Variants in TCF7L2 observed in about 807,000 individuals in gnomAD.
The protein encoded by TCF7L2 is transcription factor 7-like 2.
In TCF7L2, 23 loss-of-function variants were observed where a neutral mutation model predicts 77.9. The ratio of observed to expected loss-of-function variants is 0.30; its 90% CI spans 0.21 to 0.42. The LOEUF is 0.42. Among genes scored for constraint, TCF7L2 ranks in the 10% least tolerant of loss-of-function variants. The pLI, the probability that TCF7L2 is intolerant of heterozygous loss-of-function variation, is 1.00. For missense variants in TCF7L2, 654 were observed against 793.1 expected, an observed-to-expected ratio of 0.82 and a Z score of 2.11; for synonymous variants, 413 against 340.2, an observed-to-expected ratio of 1.21 and a Z score of -2.36.
intron 6 of TCF7L2, 66 bp downstream of exon 6, chr10:113,141,382 C>A (rs1047936792): frequency 6.2e-7 from 1 of 1,605,746 alleles, no homozygotes; most frequent in Non-Finnish European, 8.5e-7. Flanking sequence ...ACCTTTGAGG[C>A]CTCCACAGGA....
intron 5 of TCF7L2, among the ~76,000 whole-genome samples, chr10:113,124,094 A>G (rs1353113075): frequency 6.6e-6 from 1 of 152,178 alleles, no homozygotes; most frequent in Non-Finnish European, 1.5e-5. Context: ...ATCAGTGGCT[A>G]TGGCAGGAGG....
Position 113,166,171 on chromosome 10 carries a change from A to G in TCF7L2, c.*199A>G. 3 of 465,426 alleles carry G rather than the reference A, an allele frequency of 6.4e-6. No homozygotes were observed. The highest frequency in any genetic ancestry group is 2.0e-5 in the African/African-American group (1 of 49,738). The allele number at this position is 465,426 out of a possible 1,614,324, so 28.8% of individuals were successfully genotyped here. ...TCAATTTCTCCTTTTAAATATGTAGATGAGAGAAGAACCTCATGATTCTAC... is the reference window on the plus strand; with the variant it reads ...TCAATTTCTCCTTTTAAATATGTAGGTGAGAGAAGAACCTCATGATTCTAC... On this transcript the variant is annotated 3_prime_UTR_variant, in exon 14 of 14. Transcript: ENST00000627217.
At chr10:112,991,258 G>C (rs138664086) in intron 4 of TCF7L2, among the ~76,000 whole-genome samples, 2,125 of 151,902 alleles carry the variant, frequency 0.014, 26 homozygotes, top group Non-Finnish European at 0.021. Context: ...GGCCGGGCGC[G>C]GTGGCTCATG....
At position 113,115,763 on chromosome 10, in the gene TCF7L2, G is replaced by A. The variant is rs114137631; in HGVS notation, c.553-25421G>A. Among the ~76,000 whole-genome samples the A allele has an allele frequency of 3.1e-3, 471 of 152,160 alleles. 2 individuals are homozygous for A. The highest frequency in any genetic ancestry group is 0.011 in the African/African-American group (451 of 41,502). On this transcript the variant is annotated intron_variant, in intron 5 of 13. Transcript: ENST00000627217. ...GCGGCCTCCATTTCAAGGACAGCGC[G>A]CGGTTTTAAAAACCACAACTACCGA... is the stretch of plus-strand genomic sequence containing the variant.
At chr10:112,965,221 C>T (rs898797655) in intron 4 of TCF7L2, among the ~76,000 whole-genome samples, 1 of 152,184 alleles carries the variant, frequency 6.6e-6, no homozygotes. Flanking sequence ...GGAAAGGCGA[C>T]AGATCCCAGC....
chr10:112,967,381 C>G (rs2134735969), intron 4 of TCF7L2, among the ~76,000 whole-genome samples: 1 of 152,314 alleles, frequency 6.6e-6, no homozygotes, highest in South Asian at 2.1e-4. Context: ...GACTCATACT[C>G]TTTTCCCTTC....
chr10:113,088,837 C>A (rs147334395), intron 5 of TCF7L2, among the ~76,000 whole-genome samples: 2 of 151,542 alleles, frequency 1.3e-5, no homozygotes, highest in Admixed American at 6.6e-5. Flanking sequence ...AGTGTGGTGG[C>A]GTGCACCTGT....
At chr10:113,114,704 A>G (rs1166112151) in intron 5 of TCF7L2, among the ~76,000 whole-genome samples, 1 of 152,220 alleles carries the variant, frequency 6.6e-6, no homozygotes, top group Admixed American at 6.5e-5. Flanking sequence ...GCACGGGAGC[A>G]CTTAATTTCC....
At chr10:112,985,267 C>A (rs984529532) in intron 4 of TCF7L2, among the ~76,000 whole-genome samples, 1 of 152,136 alleles carries the variant, frequency 6.6e-6, no homozygotes, top group African/African-American at 2.4e-5. Context: ...TCCATCTCTT[C>A]TGGTTAAATT....
chr10:113,016,303 G>A (rs183186324), intron 4 of TCF7L2, among the ~76,000 whole-genome samples: 54 of 152,278 alleles, frequency 3.5e-4, no homozygotes, highest in African/African-American at 1.3e-3. Flanking sequence ...CTGACCTCAA[G>A]GGATCAGCCC....
At chr10:112,965,780 G>A (rs1414062374) in intron 4 of TCF7L2, among the ~76,000 whole-genome samples, 2 of 151,874 alleles carry the variant, frequency 1.3e-5, no homozygotes, top group African/African-American at 4.8e-5. Context: ...CCAGGTAAAC[G>A]GAATTATTCC....
chr10:113,096,901 C>T (rs772426122), intron 5 of TCF7L2, among the ~76,000 whole-genome samples: 1 of 152,102 alleles, frequency 6.6e-6, no homozygotes, highest in Non-Finnish European at 1.5e-5. Flanking sequence ...AAGAGGGGGA[C>T]GTGAGGAGGC....
chr10:112,993,873 G>A (rs2043024981), intron 4 of TCF7L2, among the ~76,000 whole-genome samples: 1 of 152,124 alleles, frequency 6.6e-6, no homozygotes, highest in South Asian at 2.1e-4. Flanking sequence ...TGGCCAACAT[G>A]GTAAAACTCC....
chr10:113,083,781 T>G (rs1564871590), intron 5 of TCF7L2, among the ~76,000 whole-genome samples: 2 of 152,240 alleles, frequency 1.3e-5, no homozygotes, highest in Non-Finnish European at 2.9e-5. Flanking sequence ...GCTTTTTTAG[T>G]GGAATGGCCC....
intron 5 of TCF7L2, among the ~76,000 whole-genome samples, chr10:113,075,647 A>G (rs1353564773): frequency 2.6e-5 from 4 of 152,182 alleles, no homozygotes; most frequent in African/African-American, 9.7e-5. Flanking sequence ...AAAAGCTAGT[A>G]GCTTCTCAAG....
chr10:113,158,615 CAAACA>C, intron 12 of TCF7L2, 47 bp from the exon 13 acceptor site: 1 of 1,601,772 alleles, frequency 6.2e-7, no homozygotes, highest in Non-Finnish European at 8.5e-7. Flanking sequence ...CTTTTACAAA[CAAACA>C]AAACAAAAAT....
chr10:113,123,263 C>G (rs1287753657), intron 5 of TCF7L2, among the ~76,000 whole-genome samples: 5 of 152,182 alleles, frequency 3.3e-5, no homozygotes, highest in Admixed American at 6.5e-5. Context: ...ATTAACAACT[C>G]CGGTTCAGAG....
Position 112,974,475 on chromosome 10 carries a change from G to A in TCF7L2, c.450+9851G>A, listed in dbSNP as rs557138292. 2.6e-5 allele frequency among the ~76,000 whole-genome samples: 4 copies of A among 151,846 alleles called. No individual in the cohort carries two copies. In the East Asian group the frequency reaches 7.7e-4, roughly 29 times the overall value. The stretch of plus-strand genomic sequence containing the variant: ...TGTTTTTGTTTTTGAGATGAGTCTC[G>A]CTCTGTTGCCCAGGCTGGAGTGCAG... On this transcript the variant is annotated intron_variant, in intron 4 of 13. Coordinates refer to ENST00000627217, the MANE Select transcript of TCF7L2 (RefSeq NM_001146274.2).
intron 3 of TCF7L2, among the ~76,000 whole-genome samples, chr10:112,962,234 A>C (rs748827515): frequency 2.6e-5 from 4 of 152,222 alleles, no homozygotes; most frequent in Non-Finnish European, 5.9e-5. Flanking sequence ...CCCTGTGTAC[A>C]GATTGCCTAG....
Sources: allele counts gnomAD v4.1 joint callset (sites outside exome capture counted in the v4.1 genomes callset), GRCh38; gene constraint gnomAD v4.1.1; transcripts MANE v1.5; gene names NCBI Gene and HGNC (gene_info 2026-07-23, HGNC 2026-07-21).